The following DCDC1 variants were observed in gnomAD, a reference collection of about 807,000 sequenced individuals.
The protein encoded by DCDC1 is doublecortin domain containing 1, also known as doublecortin domain-containing protein 1.
In DCDC1, 200 loss-of-function variants were observed where a neutral mutation model predicts 178.3. The observed-to-expected ratio is 1.12, with a 90% confidence interval of 1.00 to 1.26. The LOEUF (loss-of-function observed/expected upper bound fraction) is 1.26, where lower values mean the gene tolerates loss of function less well. Ranked by LOEUF, DCDC1 falls within the 50% of genes most tolerant of loss-of-function variation. The probability of loss-of-function intolerance (pLI) is 0.00; values close to 1 mark genes in which losing one functional copy is unlikely to be tolerated. For synonymous variants in DCDC1, 690 were observed against 604.8 expected, an observed-to-expected ratio of 1.14 and a Z score of -2.07; for missense variants, 1,983 against 1,749.2, an observed-to-expected ratio of 1.13 and a Z score of -2.38.
intron 20 of DCDC1, among the ~76,000 whole-genome samples, chr11:31,000,709 T>G (rs1951521908): frequency 6.6e-6 from 1 of 151,796 alleles, no homozygotes; most frequent in Non-Finnish European, 1.5e-5. Context: ...TAATGCATTG[T>G]TTTTTTTCTA....
At chr11:31,117,800 A>T (rs947284095) in intron 11 of DCDC1, among the ~76,000 whole-genome samples, 2 of 152,144 alleles carry the variant, frequency 1.3e-5, no homozygotes, top group Non-Finnish European at 2.9e-5. Flanking sequence ...TGGCAAAGGA[A>T]ATTTGCTTGC....
At chr11:31,172,940 G>A (rs1405855195) in intron 9 of DCDC1, among the ~76,000 whole-genome samples, 2 of 151,984 alleles carry the variant, frequency 1.3e-5, no homozygotes, top group African/African-American at 4.8e-5. Flanking sequence ...CATACTCTAA[G>A]AACAAAAGTG....
chr11:31,028,678 TC>T (rs1156447640), intron 20 of DCDC1, among the ~76,000 whole-genome samples: 1 of 152,016 alleles, frequency 6.6e-6, no homozygotes, highest in Non-Finnish European at 1.5e-5. Context: ...GATGTTTTTT[TC>T]CTAATGAAAT....
At chr11:30,946,746 G>A (rs1948079525) in intron 21 of DCDC1, among the ~76,000 whole-genome samples, 2 of 152,146 alleles carry the variant, frequency 1.3e-5, no homozygotes, top group African/African-American at 4.8e-5. Flanking sequence ...AAAAAGTCAG[G>A]ATAAATTATT....
At chr11:31,089,287 A>T (rs1957657666) in intron 17 of DCDC1, among the ~76,000 whole-genome samples, 1 of 152,176 alleles carries the variant, frequency 6.6e-6, no homozygotes. Context: ...CATTGTTACC[A>T]ACAAGAAATC....
rs2134153982 is a variant in DCDC1 at position 30,907,654 on chromosome 11, G to T, written c.3919-929C>A. Among the ~76,000 whole-genome samples the T allele has an allele frequency of 1.3e-5, 2 of 152,048 alleles. 1 individual carries two copies. The highest frequency in any genetic ancestry group is 4.2e-4 in the South Asian group (2 of 4,810). On this transcript the variant is annotated intron_variant, in intron 29 of 38. Transcript: ENST00000684477. ...AACCAATGTTCCCAGCTAACAGCCT[G>T]CCAACCACCAGATGGTGAGGGACGC...
intron 7 of DCDC1, among the ~76,000 whole-genome samples, chr11:31,270,061 G>A (rs1945447879): frequency 6.6e-6 from 1 of 152,134 alleles, no homozygotes; most frequent in Non-Finnish European, 1.5e-5. Context: ...TTAATGCCTG[G>A]AAGCATAAGC....
intron 1 of DCDC1, among the ~76,000 whole-genome samples, chr11:31,366,367 T>C (rs1454758723): frequency 6.6e-6 from 1 of 152,198 alleles, no homozygotes; most frequent in African/African-American, 2.4e-5. Context: ...AGATAGCTGG[T>C]TCTTAGTTTC....
intron 21 of DCDC1, among the ~76,000 whole-genome samples, chr11:30,950,091 T>A (rs948293262): frequency 6.6e-6 from 1 of 152,118 alleles, no homozygotes; most frequent in African/African-American, 2.4e-5. Flanking sequence ...ATGCTCAATA[T>A]CACTAATCAT....
chr11:31,040,532 T>C (rs900428797), intron 20 of DCDC1, among the ~76,000 whole-genome samples: 1 of 152,170 alleles, frequency 6.6e-6, no homozygotes, highest in African/African-American at 2.4e-5. Flanking sequence ...CAGTTACTGG[T>C]TGACACTAAA....
rs542346794 is a variant in DCDC1 at position 31,203,962 on chromosome 11, C to T, written c.1221+37488G>A. ...TACAATCAAGAGCATCTACAAGGAC[C>T]AATAGTAATATTCAAAAAGTGTGGC... On this transcript the variant is annotated intron_variant, in intron 9 of 38. Coordinates refer to ENST00000684477, the MANE Select transcript of DCDC1 (RefSeq NM_001387274.1). Among the ~76,000 whole-genome samples, 20 of 152,196 alleles carry T rather than the reference C, an allele frequency of 1.3e-4. No homozygotes were observed. In the South Asian group the frequency reaches 2.7e-3, roughly 20 times the overall value.
rs774887448 is a variant in DCDC1, at chr11:31,110,324, A to G, written c.1523T>C (p.Val508Ala). The change falls in exon 12 of 39, where the codon GTT (valine) becomes GCT (alanine). Residue 508 changes from valine (V) to alanine (A), a missense_variant. Physicochemically the swap from Val to Ala is moderately conservative, Grantham distance 64 (BLOSUM62 0). Coordinates refer to ENST00000684477, the MANE Select transcript of DCDC1 (RefSeq NM_001387274.1). ...TCCCAAATCTTTTTTACTGATACCA[A>G]CAGAGATCTCTCCAGTGTTTTTACC... ...ENGKNTGEIS[V>A]GISKKDLGSD... 1 of 708,802 alleles carries G rather than the reference A, an allele frequency of 1.4e-6. No individual in the cohort carries two copies. Among genetic ancestry groups the G allele is most frequent in the Non-Finnish European group, 2.6e-6 (1 of 386,674 alleles). 43.9% of individuals were successfully genotyped at this position (708,802 alleles called of 1,614,324 possible). A position where few individuals can be genotyped will look rare whatever the true frequency, so the allele number is the denominator to read the frequency against.
chr11:31,098,295 T>C (rs569247386), intron 15 of DCDC1, among the ~76,000 whole-genome samples: 58 of 152,302 alleles, frequency 3.8e-4, no homozygotes, highest in African/African-American at 1.3e-3. Context: ...ACTGAGTCAA[T>C]CTAAAAATGT....
intron 3 of DCDC1, among the ~76,000 whole-genome samples, chr11:31,323,837 G>A (rs1949505017): frequency 6.6e-6 from 1 of 151,940 alleles, no homozygotes; most frequent in Non-Finnish European, 1.5e-5. Context: ...AGTACACAAA[G>A]CACAAAGTTT....
At chr11:31,171,413 C>T (rs2136223475) in intron 9 of DCDC1, among the ~76,000 whole-genome samples, 1 of 152,192 alleles carries the variant, frequency 6.6e-6, no homozygotes, top group African/African-American at 2.4e-5. Context: ...GGATTTGGCC[C>T]ATGTGCTGCA....
intron 8 of DCDC1, among the ~76,000 whole-genome samples, chr11:31,250,449 T>C (rs1943943128): frequency 7.2e-6 from 1 of 138,104 alleles, no homozygotes; most frequent in Admixed American, 7.3e-5. Context: ...TATATATCCC[T>C]GCCTGGGGCT....
At chr11:31,242,823 A>G (rs1977332868) in intron 8 of DCDC1, among the ~76,000 whole-genome samples, 1 of 151,898 alleles carries the variant, frequency 6.6e-6, no homozygotes, top group Non-Finnish European at 1.5e-5. Context: ...TAAAAAAGTT[A>G]TGCATTTTAT....
rs58301594 is a variant in DCDC1 at position 30,875,547 on chromosome 11, C to CA, written c.*40+2996dup. Among the ~76,000 whole-genome samples the CA allele has an allele frequency of 3.1e-4, 46 of 147,954 alleles. 1 individual carries two copies. Among genetic ancestry groups the CA allele is most frequent in the East Asian group, 1.0e-3 (5 of 4,934 alleles). On this transcript the variant is annotated intron_variant, in intron 38 of 38. Coordinates refer to ENST00000684477, the MANE Select transcript of DCDC1 (RefSeq NM_001387274.1). ...TTTGATCATTCGCTTCCAAATGATG[C>CA]AAAAAAAAAAAATGCTGCCATGGTG...
At chr11:31,214,311 T>G (rs921394897) in intron 9 of DCDC1, among the ~76,000 whole-genome samples, 2 of 152,190 alleles carry the variant, frequency 1.3e-5, no homozygotes, top group African/African-American at 2.4e-5. Context: ...TATATGAAAC[T>G]TTAGTTGATA....
Sources: gnomAD v4.1 joint callset for allele counts (sites outside exome capture counted in the v4.1 genomes callset) on GRCh38, gnomAD v4.1.1 for gene constraint, MANE v1.5 for transcripts, NCBI Gene and HGNC (gene_info 2026-07-23, HGNC 2026-07-21) for gene names.